The following ERAP1 variants were observed in gnomAD, a reference collection of about 807,000 sequenced individuals.
The protein encoded by ERAP1 is adipocyte-derived leucine aminopeptidase.
In ERAP1, 86 loss-of-function variants were observed where a neutral mutation model predicts 103.7. The ratio of observed to expected loss-of-function variants is 0.83; its 90% CI spans 0.70 to 0.99. The LOEUF is 0.99. Ranked by LOEUF, ERAP1 falls within the 50% of genes least tolerant of loss-of-function variation. ERAP1 has a pLI of 0.00. For synonymous variants in ERAP1, 398 were observed against 402.4 expected, an observed-to-expected ratio of 0.99 and a Z score of 0.13; for missense variants, 1,009 against 1,128.4, an observed-to-expected ratio of 0.89 and a Z score of 1.52.
At chr5:96,917,417 G>C in the ERAP1 span, 1 of 1,521,694 alleles carries the variant, frequency 6.6e-7, no homozygotes. Flanking sequence ...CACCACACTC[G>C]GCCAAGACAA....
chr5:96,917,669 G>A, the ERAP1 span: 5 of 1,328,970 alleles, frequency 3.8e-6, no homozygotes, highest in Non-Finnish European at 4.1e-6. Flanking sequence ...CACTTTGGGA[G>A]GCTGAGAAGG....
intron 17 of ERAP1, among the ~76,000 whole-genome samples, 193 bp downstream of exon 17, chr5:96,780,865 T>C (rs1223307405): frequency 2.0e-5 from 3 of 152,214 alleles, no homozygotes; most frequent in Admixed American, 1.3e-4. Context: ...ATGGAAAACA[T>C]CCCTGTCCAG....
chr5:96,778,859 T>C lies in ERAP1; in HGVS notation c.2670+1564A>G, dbSNP rs145851403. 7.2e-5 allele frequency among the ~76,000 whole-genome samples: 11 copies of C among 152,206 alleles called. No individual in the cohort carries two copies. The East Asian group carries it at 2.1e-3, about 29-fold the overall frequency. On this transcript the variant is annotated intron_variant, in intron 18 of 18. Transcript: ENST00000443439. ...TGAGGGAAGACCGGCAGGACTTGCGTAGTTAGATGTCTGGGGAAGAAAGGA... is the reference window on the plus strand; with the variant it reads ...TGAGGGAAGACCGGCAGGACTTGCGCAGTTAGATGTCTGGGGAAGAAAGGA...
intron 1 of ERAP1, chr5:96,805,015 G>A (rs1251827869): frequency 1.3e-5 from 2 of 151,114 alleles, no homozygotes; most frequent in African/African-American, 4.9e-5. Context: ...TCAAACATAA[G>A]TTTTTATTTC....
chr5:96,790,180 C>G, intron 10 of ERAP1, 116 bp downstream of exon 10: 1 of 870,776 alleles, frequency 1.1e-6, no homozygotes, highest in Non-Finnish European at 1.9e-6. Context: ...GCAGTCTTAT[C>G]TGGAATGAGG....
chr5:96,930,138 G>C, the ERAP1 span, among the ~76,000 whole-genome samples: 3 of 152,080 alleles, frequency 2.0e-5, no homozygotes, highest in African/African-American at 7.2e-5. Context: ...CTTCCCTAAG[G>C]GCTAAACGGA....
At chr5:96,906,904 TG>T in the ERAP1 span, among the ~76,000 whole-genome samples, 1 of 152,202 alleles carries the variant, frequency 6.6e-6, no homozygotes, top group Non-Finnish European at 1.5e-5. Flanking sequence ...TGGTGGTGTG[TG>T]CCTTCCCAGC....
the ERAP1 span, among the ~76,000 whole-genome samples, chr5:96,858,651 C>G: frequency 6.6e-6 from 1 of 152,172 alleles, no homozygotes; most frequent in African/African-American, 2.4e-5. Context: ...CAGTATTTGT[C>G]TTCATTACTG....
the ERAP1 span, chr5:96,918,866 T>A: frequency 6.6e-6 from 1 of 152,326 alleles, no homozygotes; most frequent in African/African-American, 2.4e-5. Context: ...TAGCATTTCT[T>A]CATATTTTAA....
chr5:96,771,549 G>C (rs1287546125), downstream of ERAP1: 1 of 830,026 alleles, frequency 1.2e-6, no homozygotes, highest in African/African-American at 1.8e-5. Context: ...TTTCCCCACT[G>C]ACTGCCATCT....
At chr5:96,879,973 G>A in the ERAP1 span, 18 of 1,614,070 alleles carry the variant, frequency 1.1e-5, no homozygotes, top group African/African-American at 2.4e-4. Flanking sequence ...CATCTGAGAA[G>A]ATCGAAGTCT....
the ERAP1 span, among the ~76,000 whole-genome samples, chr5:96,859,285 CA>C: frequency 6.6e-6 from 1 of 152,036 alleles, no homozygotes; most frequent in Non-Finnish European, 1.5e-5. Flanking sequence ...TCCACACTGC[CA>C]AAAAACCCCC....
Position 96,792,170 on chromosome 5 carries a change from C to A in ERAP1, c.1211G>T (p.Cys404Phe). Reference protein sequence around the residue: ...LKVGDYFFGKCFDAMEVDALN... With the variant: ...LKVGDYFFGKFFDAMEVDALN... ...AGCATCTACCTCCATTGCGTCAAAA[C>A]ATTTGCCAAAGAAATAATCTCCCTA... Residue 404 changes from cysteine to phenylalanine, a missense_variant, in exon 8 of 19, where the codon TGT (cysteine) becomes TTT (phenylalanine). Physicochemically the swap from Cys to Phe is radical, Grantham distance 205. This residue lies in a region of ERAP1 where 611 missense variants were observed against 651.7 expected (regional missense o/e 0.94). Coordinates refer to ENST00000443439, the MANE Select transcript of ERAP1 (RefSeq NM_001040458.3). 6.2e-7 allele frequency: 1 copy of A among 1,613,696 alleles called. No homozygotes were observed. Among genetic ancestry groups the A allele is most frequent in the Middle Eastern group, 1.6e-4 (1 of 6,062 alleles).
intron 5 of ERAP1, among the ~76,000 whole-genome samples, chr5:96,794,227 T>C (rs1279492955): frequency 8.1e-6 from 1 of 123,164 alleles, no homozygotes; most frequent in East Asian, 3.0e-4. Flanking sequence ...CTGTCACCCA[T>C]ACTGGAGTGC....
At chr5:96,853,830 C>G in the ERAP1 span, among the ~76,000 whole-genome samples, 1 of 136,740 alleles carries the variant, frequency 7.3e-6, no homozygotes, top group African/African-American at 2.7e-5. Flanking sequence ...ATCAATCAAC[C>G]TTAGGCTATT....
the ERAP1 span, among the ~76,000 whole-genome samples, chr5:96,928,017 T>C: frequency 6.6e-6 from 1 of 152,172 alleles, no homozygotes; most frequent in Non-Finnish European, 1.5e-5. Context: ...GTGATTCTCA[T>C]GCCTCAGCCT....
chr5:96,863,146 C>T, the ERAP1 span, among the ~76,000 whole-genome samples: 1 of 152,052 alleles, frequency 6.6e-6, no homozygotes, highest in Non-Finnish European at 1.5e-5. Context: ...CTAAGTTTGC[C>T]CCCTGCCCCC....
intron 3 of ERAP1, among the ~76,000 whole-genome samples, chr5:96,798,992 C>T (rs1438421428): frequency 2.0e-5 from 3 of 151,594 alleles, no homozygotes; most frequent in African/African-American, 7.3e-5. Flanking sequence ...CTCAGCCCCC[C>T]AAGTAGCTAA....
the ERAP1 span, among the ~76,000 whole-genome samples, chr5:96,920,716 G>A: frequency 6.6e-6 from 1 of 152,060 alleles, no homozygotes; most frequent in South Asian, 2.1e-4. Flanking sequence ...TCAACATATA[G>A]TGGTTTACAA....
Sources: allele counts gnomAD v4.1 joint callset (sites outside exome capture counted in the v4.1 genomes callset), GRCh38; gene constraint gnomAD v4.1.1; regional missense constraint gnomAD v4.1.1; transcripts MANE v1.5; gene names NCBI Gene and HGNC (gene_info 2026-07-23, HGNC 2026-07-21).